The following TMEM67 variants were observed in gnomAD, a reference collection of about 807,000 sequenced individuals.
TMEM67 encodes transmembrane protein 67, also known as meckelin.
In TMEM67, 124 loss-of-function variants were observed where a neutral mutation model predicts 136.6. That is an observed-to-expected ratio of 0.91 (90% CI 0.78 to 1.05). The LOEUF is 1.05. Ranked by LOEUF, TMEM67 falls within the 50% of genes least tolerant of loss-of-function variation. The pLI, the probability that TMEM67 is intolerant of heterozygous loss-of-function variation, is 0.00. For missense variants in TMEM67, 1,107 were observed against 1,178.4 expected (o/e 0.94, Z 0.89); for synonymous variants, 364 against 390.5 (o/e 0.93, Z 0.80).
chr8:93,799,269 A>G (rs1814761474), intron 20 of TMEM67, among the ~76,000 whole-genome samples: 1 of 152,284 alleles, frequency 6.6e-6, no homozygotes, highest in South Asian at 2.1e-4. Flanking sequence ...CACATGTCAA[A>G]TACTCATGAA....
intron 24 of TMEM67, 43 bp downstream of exon 24, chr8:93,808,999 A>T (rs749688621): frequency 1.3e-6 from 2 of 1,533,186 alleles, no homozygotes; most frequent in Non-Finnish European, 9.0e-7. Flanking sequence ...TCAATATTTC[A>T]TGTTTTTTAG....
At chr8:93,799,560 TA>T in intron 20 of TMEM67, 57 bp from the exon 21 acceptor site, 1 of 1,572,184 alleles carries the variant, frequency 6.4e-7, no homozygotes, top group Non-Finnish European at 8.7e-7. Flanking sequence ...GTTTTCAGTC[TA>T]GAGTAGTTTT....
chr8:93,808,931 A>G lies in TMEM67; in HGVS notation c.2531A>G (p.Asp844Gly), dbSNP rs1808580805. ...TCTAACCAGATGAGACAACATTATG[A>G]CAGAATTCATGAGACACTAATAAGG... ...AISNQMRQHY[D>G]RIHETLIRKN... is the part of the protein sequence containing the mutation. The change falls in exon 24 of 28, where the codon GAC becomes GGC. Residue 844 changes from aspartate to glycine, a missense_variant. Around this residue, in one of 3 missense-constraint regions of TMEM67, gnomAD observed 925 missense variants for 1,002.4 expected, o/e 0.92. Transcript: ENST00000453321. 5.6e-6 allele frequency: 9 copies of G among 1,609,954 alleles called. No homozygotes were observed. Among genetic ancestry groups the G allele is most frequent in the Non-Finnish European group, 7.7e-6 (9 of 1,176,428 alleles).
intron 9 of TMEM67, 69 bp from the exon 10 acceptor site, chr8:93,781,589 A>G: frequency 1.5e-6 from 1 of 661,252 alleles, no homozygotes. Context: ...CAACAATGAA[A>G]ATTTCTTTAT....
At chr8:93,814,412 CTT>C (rs756690084) in intron 26 of TMEM67, among the ~76,000 whole-genome samples, 16 of 128,672 alleles carry the variant, frequency 1.2e-4, no homozygotes, top group African/African-American at 2.3e-4. Context: ...TTTATGTATA[CTT>C]TTTTTTTTTT....
chr8:93,785,844 C>T (rs180981742), intron 12 of TMEM67: 7 of 243,032 alleles, frequency 2.9e-5, no homozygotes, highest in Admixed American at 1.6e-4. Context: ...GAGGCCAAGA[C>T]GAGAGAATTG....
chr8:93,781,760 G>T lies in TMEM67; in HGVS notation c.1065+16G>T. On this transcript the variant is annotated intron_variant, in intron 10 of 27. Coordinates refer to ENST00000453321, the MANE Select transcript of TMEM67 (RefSeq NM_153704.6). ...TGTTTTACAGGTAAGCATGATTCTAGTTAAAGAATTAATAACATGCATTAT... is the reference window on the plus strand; with the variant it reads ...TGTTTTACAGGTAAGCATGATTCTATTTAAAGAATTAATAACATGCATTAT... 1 of 1,489,298 alleles carries T rather than the reference G, an allele frequency of 6.7e-7. No individual in the cohort carries two copies. Among genetic ancestry groups the T allele is most frequent in the Non-Finnish European group, 9.3e-7 (1 of 1,073,102 alleles). The allele number at this position is 1,489,298 out of a possible 1,614,324, so 92.3% of individuals were successfully genotyped here.
intron 7 of TMEM67, among the ~76,000 whole-genome samples, chr8:93,776,885 T>G (rs1002716675): frequency 6.6e-6 from 1 of 152,214 alleles, no homozygotes; most frequent in Non-Finnish European, 1.5e-5. Flanking sequence ...TTAGGGAGGA[T>G]TCCCTCTTTT....
chr8:93,757,426 A>G (rs1297905871), intron 2 of TMEM67, among the ~76,000 whole-genome samples: 1 of 152,100 alleles, frequency 6.6e-6, no homozygotes, highest in Admixed American at 6.5e-5. Context: ...TCACGAGGTC[A>G]AGAGATCAAG....
Position 93,793,271 on chromosome 8 carries a change from T to C in TMEM67, c.1649T>C (p.Ile550Thr), listed in dbSNP as rs1301219518. Residue 550 changes from isoleucine (I) to threonine (T), a missense_variant, in exon 16 of 28, where the codon ATT becomes ACT. Ile to Thr is a moderately conservative substitution (Grantham distance 89, BLOSUM62 -1). Coordinates refer to ENST00000453321, the MANE Select transcript of TMEM67 (RefSeq NM_153704.6). ...LLKTAGWKRR[I>T]GSPMIDLQTV... is the part of the protein sequence containing the mutation. The stretch of plus-strand genomic sequence containing the variant: ...AAGACAGCAGGATGGAAGAGGCGCA[T>C]TGGGAGTCCCATGATTGATTTACAG... 4 of 1,614,080 alleles carry C rather than the reference T, an allele frequency of 2.5e-6. No homozygotes were observed. Among genetic ancestry groups the C allele is most frequent in the Admixed American group, 1.7e-5 (1 of 60,026 alleles).
At chr8:93,787,701 T>C (rs1409073581) in intron 13 of TMEM67, 143 bp from the exon 14 acceptor site, 5 of 683,196 alleles carry the variant, frequency 7.3e-6, no homozygotes, top group Non-Finnish European at 1.3e-5. Context: ...TTAGTTTATG[T>C]GTAACCTTCC....
chr8:93,820,889 T>C (rs1270453486), downstream of TMEM67, among the ~76,000 whole-genome samples: 1 of 152,198 alleles, frequency 6.6e-6, no homozygotes, highest in African/African-American at 2.4e-5. Context: ...GCCACACAGT[T>C]GTCTATGGGT....
At chr8:93,811,359 T>C (rs1808690771) in intron 26 of TMEM67, 1 of 152,178 alleles carries the variant, frequency 6.6e-6, no homozygotes, top group Non-Finnish European at 1.5e-5. Context: ...AAAAGGGGAT[T>C]CAAAAACAGT....
intron 7 of TMEM67, among the ~76,000 whole-genome samples, chr8:93,774,025 A>T (rs925000311): frequency 3.7e-4 from 55 of 147,808 alleles, no homozygotes; most frequent in African/African-American, 4.9e-4. Context: ...GTTAAAAAAA[A>T]TTTTTTTTTT....
In TMEM67 at chr8:93,817,986, G is replaced by A. The variant is rs535445109; in HGVS notation, c.*1534G>A. The A allele has an allele frequency of 9.8e-5, 15 of 152,296 alleles. No homozygotes were observed. Among genetic ancestry groups the A allele is most frequent in the African/African-American group, 3.6e-4 (15 of 41,568 alleles). 9.4% of individuals were successfully genotyped at this position (152,296 alleles called of 1,614,324 possible). A position where few individuals can be genotyped will look rare whatever the true frequency, so the allele number is the denominator to read the frequency against. ...TTAATTTTAGTGCAAAAGTTTTTAA[G>A]TATTAAATTTCACAATAAAGGATCA... On this transcript the variant is annotated 3_prime_UTR_variant, in exon 28 of 28. Transcript: ENST00000453321.
intron 7 of TMEM67, among the ~76,000 whole-genome samples, chr8:93,778,222 C>T (rs1813646564): frequency 6.6e-6 from 1 of 152,172 alleles, no homozygotes; most frequent in Non-Finnish European, 1.5e-5. Context: ...CTTCCTCCAT[C>T]CCTTTATTTT....
intron 26 of TMEM67, chr8:93,810,118 G>A (rs576956190): frequency 1.2e-4 from 44 of 361,070 alleles, no homozygotes; most frequent in African/African-American, 1.9e-4. Context: ...ACAGGCGCCC[G>A]CCATCACGCC....
rs1808918718 is a variant in TMEM67, at chr8:93,816,589, AT to A, written c.*142del. ...TTGTTTTTTATTTGCAGAAAGATTT[AT>A]TTTTATAACTTGGGAATATATAACC... On this transcript the variant is annotated 3_prime_UTR_variant, in exon 28 of 28. Transcript: ENST00000453321. 10 of 538,814 alleles carry A rather than the reference AT, an allele frequency of 1.9e-5. No individual in the cohort carries two copies. In the Admixed American group the frequency reaches 3.0e-4, roughly 16 times the overall value. 33.4% of individuals were successfully genotyped at this position (538,814 alleles called of 1,614,324 possible).
rs756165502 is a variant in TMEM67 at position 93,799,749 on chromosome 8, A to G, written c.2232A>G (p.Gly744=). ...AVSAALWLAI[G]IIQVVFFAVF... ...CTGCTGCTCTTTGGCTAGCCATTGGAATTATACAGGTAAGGAATTATACAG... is the reference window on the plus strand; with the variant it reads ...CTGCTGCTCTTTGGCTAGCCATTGGGATTATACAGGTAAGGAATTATACAG... Residue 744 remains glycine (G), a synonymous_variant, in exon 21 of 28, where the codon GGA becomes GGG. Transcript: ENST00000453321. 2 of 1,613,384 alleles carry G rather than the reference A, an allele frequency of 1.2e-6. No individual in the cohort carries two copies. Among genetic ancestry groups the G allele is most frequent in the Admixed American group, 1.7e-5 (1 of 59,988 alleles).
Sources: gnomAD v4.1 joint callset for allele counts (sites outside exome capture counted in the v4.1 genomes callset) on GRCh38, gnomAD v4.1.1 for gene constraint, gnomAD v4.1.1 regional missense constraint, MANE v1.5 for transcripts, NCBI Gene and HGNC (gene_info 2026-07-23, HGNC 2026-07-21) for gene names.